Variants in PKD1L1 observed in about 807,000 individuals in gnomAD.
The protein encoded by PKD1L1 is polycystin-1-like protein 1.
Under a neutral mutation model 323.4 loss-of-function variants are expected in PKD1L1, and 236 were observed. The observed-to-expected ratio is 0.73, with a 90% CI of 0.66 to 0.81. The LOEUF (loss-of-function observed/expected upper bound fraction) is 0.81. Ranked by LOEUF, PKD1L1 falls within the 40% of genes least tolerant of loss-of-function variation. The probability of loss-of-function intolerance (pLI) is 0.00; values close to 1 mark genes in which losing one functional copy is unlikely to be tolerated. For synonymous variants in PKD1L1, 1,344 were observed against 1,335.0 expected (o/e 1.01, Z -0.15); for missense variants, 3,320 against 3,508.0 (o/e 0.95, Z 1.35).
At chr7:47,951,356 CA>C (rs1788202233), upstream of PKD1L1, among the ~76,000 whole-genome samples, 2 of 152,164 alleles carry the variant, frequency 1.3e-5, no homozygotes, top group South Asian at 4.1e-4. Flanking sequence ...TTGTTTTAAA[CA>C]AAAGCCACCT....
chr7:47,798,553 C>T (rs538808355), intron 54 of PKD1L1, among the ~76,000 whole-genome samples: 9 of 152,012 alleles, frequency 5.9e-5, no homozygotes, highest in Admixed American at 2.0e-4. Context: ...GTCAGGAGTT[C>T]GAGACCAGCC....
rs1357035844 is a variant in PKD1L1 at position 47,824,066 on chromosome 7, C to T, written c.6855-2880G>A. Among the ~76,000 whole-genome samples the T allele has an allele frequency of 2.0e-5, 3 of 152,164 alleles. No individual in the cohort carries two copies. In the East Asian group the frequency reaches 5.8e-4, roughly 29 times the overall value. ...TGACTCTAGCAGTTATTAATTGCTCCCTTGCCTAAGAAACATTCCAGGTTC... is the reference window on the plus strand; with the variant it reads ...TGACTCTAGCAGTTATTAATTGCTCTCTTGCCTAAGAAACATTCCAGGTTC... On this transcript the variant is annotated intron_variant, in intron 45 of 56. Coordinates refer to ENST00000289672, the MANE Select transcript of PKD1L1 (RefSeq NM_138295.5).
Position 47,853,214 on chromosome 7 carries a change from G to GT in PKD1L1, c.4872dup (p.Pro1625ThrfsTer5). 1 of 1,610,306 alleles carries GT rather than the reference G, an allele frequency of 6.2e-7. No individual in the cohort carries two copies. Among genetic ancestry groups the GT allele is most frequent in the South Asian group, 1.1e-5 (1 of 90,992 alleles). On this transcript the variant is annotated frameshift_variant, in exon 31 of 57. Coordinates refer to ENST00000289672, the MANE Select transcript of PKD1L1 (RefSeq NM_138295.5). LOFTEE classifies it high-confidence loss of function. ...TTCACAAGAAAATCAGAGGGAGTAG[G>GT]TTTCTCAGAGAATCTAGGAGATAAA...
In PKD1L1 at chr7:47,888,198, T is replaced by C. The variant is rs1583650452; in HGVS notation, c.2676-48A>G. ...AGATCTTAGGAAAATAATGTGAGGG[T>C]TCTTTGGTCACATTAATTCATGTTA... is the stretch of plus-strand genomic sequence containing the variant. On this transcript the variant is annotated intron_variant, in intron 16 of 56. Transcript: ENST00000289672. 5.1e-6 allele frequency: 8 copies of C among 1,553,614 alleles called. No homozygotes were observed. The East Asian group carries it at 1.8e-4, about 35-fold the overall frequency.
At chr7:47,792,491 C>T (rs944036446) in intron 56 of PKD1L1, 136 bp downstream of exon 56, 2 of 868,076 alleles carry the variant, frequency 2.3e-6, no homozygotes, top group Non-Finnish European at 3.4e-6. Context: ...CAGAGCATAT[C>T]TTATCAGCAG....
intron 7 of PKD1L1, among the ~76,000 whole-genome samples, chr7:47,918,084 A>T (rs978177212): frequency 1.3e-5 from 2 of 152,274 alleles, no homozygotes; most frequent in Admixed American, 1.3e-4. Flanking sequence ...TGCTGCCTTC[A>T]GGAGACTCAC....
intron 9 of PKD1L1, among the ~76,000 whole-genome samples, chr7:47,906,217 T>G (rs1469801149): frequency 6.6e-6 from 1 of 152,242 alleles, no homozygotes; most frequent in Non-Finnish European, 1.5e-5. Context: ...AATATGCTAA[T>G]TCCTTTGAAA....
chr7:47,867,948 G>C (rs1438523571), intron 24 of PKD1L1, among the ~76,000 whole-genome samples: 3 of 152,214 alleles, frequency 2.0e-5, no homozygotes, highest in African/African-American at 7.2e-5. Flanking sequence ...TGGCAACTCA[G>C]AGAAATGTTG....
intron 2 of PKD1L1, among the ~76,000 whole-genome samples, chr7:47,943,138 T>A (rs1788023377): frequency 8.7e-6 from 1 of 115,036 alleles, no homozygotes; most frequent in African/African-American, 3.4e-5. Flanking sequence ...AGAGTGAGAC[T>A]CCGTCTCAAA....
At chr7:47,930,282 G>C (rs1393339747) in intron 6 of PKD1L1, among the ~76,000 whole-genome samples, 1 of 151,702 alleles carries the variant, frequency 6.6e-6, no homozygotes, top group Non-Finnish European at 1.5e-5. Context: ...CAGGCAGACA[G>C]ATCACGGGGT....
chr7:47,952,518 C>T (rs1054448373), upstream of PKD1L1, among the ~76,000 whole-genome samples: 1 of 152,198 alleles, frequency 6.6e-6, no homozygotes, highest in Admixed American at 6.5e-5. Context: ...ATCATAAGCA[C>T]CCCCTGAGAA....
chr7:47,927,800 C>T (rs527392252), intron 7 of PKD1L1, among the ~76,000 whole-genome samples: 1 of 152,348 alleles, frequency 6.6e-6, no homozygotes, highest in East Asian at 1.9e-4. Flanking sequence ...TTAGCATTAA[C>T]TATCAATTAC....
chr7:47,880,765 C>T lies in PKD1L1; in HGVS notation c.3483G>A (p.Leu1161=), dbSNP rs367996686. The T allele has an allele frequency of 5.6e-6, 9 of 1,609,062 alleles. No homozygotes were observed. Among genetic ancestry groups the T allele is most frequent in the African/African-American group, 5.4e-5 (4 of 74,346 alleles). Residue 1161 remains leucine, a synonymous_variant, in exon 21 of 57, where the codon CTG becomes CTA. Transcript: ENST00000289672. The stretch of plus-strand genomic sequence containing the variant: ...GCAGGACGTACGTCTCTCCACTGCT[C>T]AGAGAGTATGGCTTGATTGTCACTG... The part of the protein sequence containing the change: ...EQTVTIKPYS[L]SSGETYVLQV...
chr7:47,803,066 A>G, intron 53 of PKD1L1, 144 bp downstream of exon 53: 1 of 994,110 alleles, frequency 1.0e-6, no homozygotes, highest in Non-Finnish European at 1.5e-6. Context: ...GTTATCTAAA[A>G]CCACACTGTA....
At chr7:47,907,989 A>G (rs1041635491) in intron 9 of PKD1L1, 88 bp downstream of exon 9, 8 of 1,309,056 alleles carry the variant, frequency 6.1e-6, no homozygotes, top group South Asian at 3.2e-5. Context: ...TAGAACTGCT[A>G]TAACTTGAAC....
intron 21 of PKD1L1, among the ~76,000 whole-genome samples, chr7:47,878,819 G>A (rs1786466244): frequency 6.6e-6 from 1 of 152,206 alleles, no homozygotes; most frequent in Non-Finnish European, 1.5e-5. Flanking sequence ...GTCAGCGAGG[G>A]TGTGCAAGGC....
At chr7:47,876,318 C>T (rs1178592857) in intron 22 of PKD1L1, 101 bp from the exon 23 acceptor site, 33 of 1,362,172 alleles carry the variant, frequency 2.4e-5, no homozygotes, top group South Asian at 2.8e-5. Flanking sequence ...GTACCAAGGA[C>T]ATTCTTTACA....
chr7:47,877,414 G>GGTGGGAAGGA, intron 22 of PKD1L1, 75 bp downstream of exon 22: 1 of 1,567,830 alleles, frequency 6.4e-7, no homozygotes, highest in South Asian at 1.2e-5. Flanking sequence ...CATTCCTACA[G>GGTGGGAAGGA]CACCCGTGAC....
chr7:47,907,889 C>CT (rs1787239522), intron 9 of PKD1L1, among the ~76,000 whole-genome samples, 188 bp downstream of exon 9: 2 of 152,128 alleles, frequency 1.3e-5, no homozygotes, highest in Non-Finnish European at 2.9e-5. Context: ...CTTTGTATGA[C>CT]TTTATCTTCA....
Sources: gnomAD v4.1 joint callset for allele counts (sites outside exome capture counted in the v4.1 genomes callset) on GRCh38, gnomAD v4.1.1 for gene constraint, MANE v1.5 for transcripts, NCBI Gene and HGNC (gene_info 2026-07-23, HGNC 2026-07-21) for gene names.